CCDC27: variants seen among roughly 807,000 people sequenced by gnomAD.
CCDC27 encodes the protein coiled-coil domain-containing protein 27.
In CCDC27, 80 loss-of-function variants were observed where a neutral mutation model predicts 80.3. The observed-to-expected ratio is 1.00, with a 90% CI of 0.83 to 1.20. The LOEUF is 1.20. Ranked by LOEUF, CCDC27 falls within the 50% of genes most tolerant of loss-of-function variation. CCDC27 has a pLI of 0.00. For missense variants in CCDC27, 815 were observed against 809.4 expected (o/e 1.01, Z -0.08); for synonymous variants, 342 against 334.3 (o/e 1.02, Z -0.25).
rs1358063510 is a variant in CCDC27 at position 3,766,387 on chromosome 1, TTTC to T, written c.1453-140_1453-138del. On this transcript the variant is annotated intron_variant, in intron 8 of 11. Transcript: ENST00000294600. This position sits in a 1 kb window ranked among gnomAD's most constrained non-coding sequence, Gnocchi z 6.1. ...ACTCTCCAAAATATTTTTAGTCCTTTTTCTTCTTCTCTTCTCCCTGCCTTCAAT... is the reference window on the plus strand; with the variant it reads ...ACTCTCCAAAATATTTTTAGTCCTTTTTCTTCTCTTCTCCCTGCCTTCAAT... The T allele has an allele frequency of 2.0e-5, 12 of 591,344 alleles. No homozygotes were observed. In the East Asian group the frequency reaches 2.9e-4, roughly 14 times the overall value. The allele number at this position is 591,344 out of a possible 1,614,324, so 36.6% of individuals were successfully genotyped here.
rs267598584 is a variant in CCDC27 at position 3,756,745 on chromosome 1, C to T, written c.566C>T (p.Pro189Leu). 7 of 1,613,988 alleles carry T rather than the reference C, an allele frequency of 4.3e-6. No individual in the cohort carries two copies. Among genetic ancestry groups the T allele is most frequent in the Non-Finnish European group, 5.9e-6 (7 of 1,179,978 alleles). ...SDTNVDGYLL[P>L]FSKSICEFDY... ...GCTGTCGCCACAGGGTACCTCCTTC[C>T]CTTCAGTAAGAGCATCTGCGAGTTC... is the stretch of plus-strand genomic sequence containing the variant. The change falls in exon 4 of 12, where the codon CCC (proline) becomes CTC (leucine). Residue 189 changes from proline (P) to leucine (L), a missense_variant. Transcript: ENST00000294600.
At chr1:3,757,013 C>T (rs777788657) in intron 4 of CCDC27, 123 bp downstream of exon 4, 27 of 1,194,874 alleles carry the variant, frequency 2.3e-5, no homozygotes, top group Non-Finnish European at 3.1e-5. Context: ...CAAGCAGGTC[C>T]CCATGGCCTA....
Position 3,760,572 on chromosome 1 carries a change from T to A in CCDC27, c.712-709T>A, listed in dbSNP as rs181736598. ...AGCTTTGATGTGTCCGGATGTTCAT[T>A]ATCAGTTTAAAATGTTTCTAGCTTT... On this transcript the variant is annotated intron_variant, in intron 4 of 11. Transcript: ENST00000294600. This position sits in a 1 kb window ranked among gnomAD's most constrained non-coding sequence, Gnocchi z 4.3. Among the ~76,000 whole-genome samples, 1 of 152,318 alleles carries A rather than the reference T, an allele frequency of 6.6e-6. No individual in the cohort carries two copies. Among genetic ancestry groups the A allele is most frequent in the African/African-American group, 2.4e-5 (1 of 41,564 alleles).
rs1401175804 is a variant in CCDC27 at position 3,768,121 on chromosome 1, G to T, written c.1743+676G>T. ...TTTTTTTTTTTTTTTCTGAGACAGG[G>T]TCTTTCTCTGTCATCCAGTCTGGAG... On this transcript the variant is annotated intron_variant, in intron 10 of 11. Transcript: ENST00000294600. This position sits in a 1 kb window ranked among gnomAD's most constrained non-coding sequence, Gnocchi z 5.6. Among the ~76,000 whole-genome samples the T allele has an allele frequency of 2.0e-5, 3 of 146,760 alleles. No homozygotes were observed. Among genetic ancestry groups the T allele is most frequent in the Non-Finnish European group, 3.0e-5 (2 of 67,050 alleles).
In CCDC27 at chr1:3,763,119, G is replaced by A. The variant is rs1253861968; in HGVS notation, c.966G>A (p.Glu322=). The part of the protein sequence containing the change: ...ELQHWWQMQE[E]SAAPERGKEP... ...TACCCATCTTACAGATGCAGGAGGA[G>A]TCTGCGGCACCGGAGAGGGGCAAGG... The change falls in exon 7 of 12, where the codon GAG becomes GAA. Residue 322 remains glutamate (E), a synonymous_variant. Transcript: ENST00000294600. This position sits in a 1 kb window ranked among gnomAD's most constrained non-coding sequence, Gnocchi z 7.5. 4 of 1,476,940 alleles carry A rather than the reference G, an allele frequency of 2.7e-6. 1 individual carries two copies. Among genetic ancestry groups the A allele is most frequent in the African/African-American group, 1.4e-5 (1 of 70,744 alleles). The allele number at this position is 1,476,940 out of a possible 1,614,324, so 91.5% of individuals were successfully genotyped here.
At chr1:3,753,016 C>T (rs1262342180) in intron 1 of CCDC27, among the ~76,000 whole-genome samples, 1 of 152,180 alleles carries the variant, frequency 6.6e-6, no homozygotes, top group Non-Finnish European at 1.5e-5. Context: ...TGCCTTAGTC[C>T]CCACATGCCA....
rs1444907464 is a variant in CCDC27 at position 3,767,216 on chromosome 1, TC to T, written c.1531-13del. 6.2e-7 allele frequency: 1 copy of T among 1,611,802 alleles called. No homozygotes were observed. The highest frequency in any genetic ancestry group is 8.5e-7 in the Non-Finnish European group (1 of 1,178,474). ...GCGAAATGACCCCACCTCTTTTTTC[TC>T]CCCGGCTGTCCCCAGCAAGTGTCGG... On this transcript the variant is annotated splice_polypyrimidine_tract_variant and intron_variant, in intron 9 of 11. Coordinates refer to ENST00000294600, the MANE Select transcript of CCDC27 (RefSeq NM_152492.3).
At chr1:3,754,025 T>A in intron 1 of CCDC27, 93 bp from the exon 2 acceptor site, 2 of 1,532,752 alleles carry the variant, frequency 1.3e-6, no homozygotes, top group Non-Finnish European at 1.8e-6. Context: ...TGGGGCGATT[T>A]GTGATGGTTT....
chr1:3,771,217 T>C (rs1371738349), intron 11 of CCDC27, among the ~76,000 whole-genome samples, 184 bp from the exon 12 acceptor site: 3 of 152,170 alleles, frequency 2.0e-5, no homozygotes, highest in African/African-American at 7.2e-5. Context: ...GAGGGTTGTT[T>C]GTTTTTTCTC....
chr1:3,755,276 C>A (rs1642923196), intron 2 of CCDC27, among the ~76,000 whole-genome samples, 181 bp from the exon 3 acceptor site: 1 of 152,286 alleles, frequency 6.6e-6, no homozygotes, highest in East Asian at 1.9e-4. Flanking sequence ...GTGGAGACAC[C>A]AGGGCAGGCA....
At position 3,753,054 on chromosome 1, in the gene CCDC27, G is replaced by A. The variant is rs1285092890; in HGVS notation, c.318+255G>A. 3.9e-5 allele frequency among the ~76,000 whole-genome samples: 6 copies of A among 152,308 alleles called. 1 individual carries two copies. The highest frequency in any genetic ancestry group is 4.1e-4 in the South Asian group (2 of 4,824). On this transcript the variant is annotated intron_variant, in intron 1 of 11. Coordinates refer to ENST00000294600, the MANE Select transcript of CCDC27 (RefSeq NM_152492.3). The stretch of plus-strand genomic sequence containing the variant: ...GGCTTCTTCTGGGTTAGCTGCTTTG[G>A]GTTGGTCCTCCCCTCTTGCAGACCT...
Position 3,763,743 on chromosome 1 carries a change from A to G in CCDC27, c.1359A>G (p.Gln453=). 1 of 1,614,146 alleles carries G rather than the reference A, an allele frequency of 6.2e-7. No individual in the cohort carries two copies. The highest frequency in any genetic ancestry group is 8.5e-7 in the Non-Finnish European group (1 of 1,179,986). The part of the protein sequence containing the change: ...IASLQQQVDF[Q]ETQLRKINTE... Reference sequence around the variant, plus strand: ...CTTTACAACAACAAGTGGATTTCCAAGAAACCCAGCTGCGAAAGATCAATA... The same window carrying G: ...CTTTACAACAACAAGTGGATTTCCAGGAAACCCAGCTGCGAAAGATCAATA... Residue 453 remains glutamine, a synonymous_variant, in exon 8 of 12, where the codon CAA becomes CAG. Coordinates refer to ENST00000294600, the MANE Select transcript of CCDC27 (RefSeq NM_152492.3). This position sits in a 1 kb window ranked among gnomAD's most constrained non-coding sequence, Gnocchi z 7.5.
chr1:3,762,019 C>A (rs1399187751), intron 5 of CCDC27, among the ~76,000 whole-genome samples: 1 of 152,082 alleles, frequency 6.6e-6, no homozygotes, highest in Non-Finnish European at 1.5e-5. Flanking sequence ...GGGGATGCTA[C>A]CCCACCTCTA....
chr1:3,755,782 C>A (rs1642938281), intron 3 of CCDC27: 1 of 551,260 alleles, frequency 1.8e-6, no homozygotes, highest in African/African-American at 1.9e-5. Flanking sequence ...GACCGTGGCC[C>A]CTTGTCTTTA....
Position 3,769,944 on chromosome 1 carries a change from G to A in CCDC27, c.1848+57G>A. 2 of 1,265,886 alleles carry A rather than the reference G, an allele frequency of 1.6e-6. No individual in the cohort carries two copies. Among genetic ancestry groups the A allele is most frequent in the Non-Finnish European group, 2.3e-6 (2 of 863,018 alleles). 78.4% of individuals were successfully genotyped at this position (1,265,886 alleles called of 1,614,324 possible). A position where few individuals can be genotyped will look rare whatever the true frequency, so the allele number is the denominator to read the frequency against. ...GGCCCCAGACCCCCAGGCCAGAGCT[G>A]TGGTAGGGGGTTGTGGGGGGCCTAG... On this transcript the variant is annotated intron_variant, in intron 11 of 11. Coordinates refer to ENST00000294600, the MANE Select transcript of CCDC27 (RefSeq NM_152492.3). This position sits in a 1 kb window ranked among gnomAD's most constrained non-coding sequence, Gnocchi z 4.6.
Position 3,765,547 on chromosome 1 carries a change from T to C in CCDC27, c.1453-988T>C, listed in dbSNP as rs141439238. ...ATTTCCTTAACTTTATCAACAGCTC[T>C]TTTCATTTTGTTATAATATTTTACT... On this transcript the variant is annotated intron_variant, in intron 8 of 11. Transcript: ENST00000294600. Among the ~76,000 whole-genome samples, 20 of 152,364 alleles carry C rather than the reference T, an allele frequency of 1.3e-4. No individual in the cohort carries two copies. The East Asian group carries it at 3.7e-3, about 28-fold the overall frequency.
At chr1:3,770,440 G>T (rs1010791766) in intron 11 of CCDC27, among the ~76,000 whole-genome samples, 1 of 152,226 alleles carries the variant, frequency 6.6e-6, no homozygotes, top group Non-Finnish European at 1.5e-5. Flanking sequence ...CCAGCTGGGG[G>T]CCACACACTC....
At chr1:3,754,312 G>T (rs1455719892) in intron 2 of CCDC27, 71 bp downstream of exon 2, 2 of 1,477,244 alleles carry the variant, frequency 1.4e-6, no homozygotes, top group East Asian at 5.2e-5. Flanking sequence ...AGGCCTTCCT[G>T]CACCCTTCAG....
chr1:3,753,321 T>C (rs1299885891), intron 1 of CCDC27, among the ~76,000 whole-genome samples: 2 of 5,700 alleles, frequency 3.5e-4, no homozygotes, highest in Non-Finnish European at 4.0e-4. Context: ...TTTCTTTTTC[T>C]TTTTTTTTTT....
Sources: gnomAD v4.1 joint callset for allele counts (sites outside exome capture counted in the v4.1 genomes callset) on GRCh38, gnomAD v4.1.1 for gene constraint, Gnocchi (gnomAD v3.1) non-coding constraint, MANE v1.5 for transcripts, NCBI Gene and HGNC (gene_info 2026-07-23, HGNC 2026-07-21) for gene names.